Variants in COL9A2 observed in about 807,000 individuals in gnomAD.
COL9A2 encodes the protein collagen type IX alpha 2 chain, also known as collagen alpha-2(IX) chain.
A neutral mutation model predicts 111.6 loss-of-function variants in COL9A2; 66 were observed. The ratio of observed to expected loss-of-function variants is 0.59; its 90% CI spans 0.48 to 0.73. The LOEUF (loss-of-function observed/expected upper bound fraction) is 0.73. Ranked by LOEUF, COL9A2 falls within the 30% of genes least tolerant of loss-of-function variation. COL9A2 has a pLI of 0.00. For synonymous variants in COL9A2, 353 were observed against 364.1 expected (o/e 0.97, Z 0.35); for missense variants, 881 against 954.1 (o/e 0.92, Z 1.01).
chr1:40,312,695 A>G lies in COL9A2; in HGVS notation c.303+36T>C, dbSNP rs759938026. 1.3e-6 allele frequency: 2 copies of G among 1,576,778 alleles called. No homozygotes were observed. Among genetic ancestry groups the G allele is most frequent in the East Asian group, 2.3e-5 (1 of 43,030 alleles). ...ACAGCCACTCCCAAACGCTGGCCCT[A>G]GATTGCCCACGCTGAGGCCCCAGCA... On this transcript the variant is annotated intron_variant, in intron 5 of 31. Transcript: ENST00000372748. This position sits in a 1 kb window ranked among gnomAD's most constrained non-coding sequence, Gnocchi z 6.0.
Position 40,302,564 on chromosome 1 carries a change from C to A in COL9A2, c.1792+57G>T. ...CCTGAGAAGGGAATGGGGAAAGGGC[C>A]GGCCTGGACAAATCCTCACTGCCTG... On this transcript the variant is annotated intron_variant, in intron 30 of 31. Coordinates refer to ENST00000372748, the MANE Select transcript of COL9A2 (RefSeq NM_001852.4). The surrounding 1 kb of genome is among the most constrained non-coding windows in gnomAD (Gnocchi z 4.5). The A allele has an allele frequency of 6.5e-7, 1 of 1,537,492 alleles. No individual in the cohort carries two copies. Among genetic ancestry groups the A allele is most frequent in the Non-Finnish European group, 8.8e-7 (1 of 1,139,984 alleles).
rs778785230 is a variant in COL9A2, at chr1:40,302,616, C to T, written c.1792+5G>A. 2.9e-5 allele frequency: 46 copies of T among 1,597,194 alleles called. No individual in the cohort carries two copies. Among genetic ancestry groups the T allele is most frequent in the Non-Finnish European group, 3.7e-5 (43 of 1,174,148 alleles). On this transcript the variant is annotated splice_donor_5th_base_variant and intron_variant, in intron 30 of 31. Coordinates refer to ENST00000372748, the MANE Select transcript of COL9A2 (RefSeq NM_001852.4). This position sits in a 1 kb window ranked among gnomAD's most constrained non-coding sequence, Gnocchi z 4.5. ...CCCCCATGCCCACCGCAGAGGAGCA[C>T]TCACCCTTGGGCCCCGTGTTGCCGA...
In COL9A2 at chr1:40,310,772, A is replaced by C; in HGVS notation, c.631-5T>G. On this transcript the variant is annotated splice_polypyrimidine_tract_variant and splice_region_variant and intron_variant, in intron 12 of 31. Coordinates refer to ENST00000372748, the MANE Select transcript of COL9A2 (RefSeq NM_001852.4). The surrounding 1 kb of genome is among the most constrained non-coding windows in gnomAD (Gnocchi z 4.9). Reference sequence around the variant, plus strand: ...ACCCACATCTCCCTTGGGACCCTAAAGGGCAGGGATGAGCTGTCAGACAGG... The same window carrying C: ...ACCCACATCTCCCTTGGGACCCTAACGGGCAGGGATGAGCTGTCAGACAGG... 6.4e-7 allele frequency: 1 copy of C among 1,560,528 alleles called. No homozygotes were observed. The highest frequency in any genetic ancestry group is 8.7e-7 in the Non-Finnish European group (1 of 1,151,664).
chr1:40,301,252 G>A lies in COL9A2; in HGVS notation c.2000C>T (p.Ala667Val). 1 of 1,614,168 alleles carries A rather than the reference G, an allele frequency of 6.2e-7. No homozygotes were observed. The highest frequency in any genetic ancestry group is 8.5e-7 in the Non-Finnish European group (1 of 1,180,024). ...PVGLPGFCEPAACLGASAYAS... is the reference protein window; with the variant it reads ...PVGLPGFCEPVACLGASAYAS... ...ATAGGCCGAAGCTCCAAGGCAGGCG[G>A]CAGGTTCACAGAAGCCCGGCAGCCC... Residue 667 changes from alanine (A) to valine (V), a missense_variant, in exon 32 of 32, where the codon GCC (alanine) becomes GTC (valine). Transcript: ENST00000372748.
rs1644144430 is a variant in COL9A2 at position 40,312,403 on chromosome 1, TC to T, written c.363+52del. The T allele has an allele frequency of 2.4e-5, 38 of 1,602,080 alleles. No homozygotes were observed. The highest frequency in any genetic ancestry group is 3.2e-5 in the Non-Finnish European group (38 of 1,173,020). ...CCATTCCCTCGAAGCCTTTCTGTTG[TC>T]CCCTCCTTCCCTGGGAGTTCTGGGG... On this transcript the variant is annotated intron_variant, in intron 7 of 31. Coordinates refer to ENST00000372748, the MANE Select transcript of COL9A2 (RefSeq NM_001852.4). This position sits in a 1 kb window ranked among gnomAD's most constrained non-coding sequence, Gnocchi z 6.0.
In COL9A2 at chr1:40,316,531, G is replaced by A; in HGVS notation, c.75+592C>T. ...GGCGGCCCTTTTAAGAGGCCAGCTC[G>A]GACCCAGGCAGGGGTCCCGGTGCCC... On this transcript the variant is annotated intron_variant, in intron 1 of 31. Transcript: ENST00000372748. This position sits in a 1 kb window ranked among gnomAD's most constrained non-coding sequence, Gnocchi z 5.5. The A allele has an allele frequency of 2.2e-6, 1 of 446,694 alleles. No individual in the cohort carries two copies. Among genetic ancestry groups the A allele is most frequent in the South Asian group, 1.6e-5 (1 of 63,780 alleles). The allele number at this position is 446,694 out of a possible 1,614,324, so 27.7% of individuals were successfully genotyped here. A position where few individuals can be genotyped will look rare whatever the true frequency, so the allele number is the denominator to read the frequency against.
intron 19 of COL9A2, 119 bp from the exon 20 acceptor site, chr1:40,306,306 G>A: frequency 2.8e-6 from 3 of 1,089,772 alleles, no homozygotes; most frequent in Non-Finnish European, 2.8e-6. Context: ...AACAACAGAA[G>A]GTCCAGCCAC....
intron 2 of COL9A2, among the ~76,000 whole-genome samples, chr1:40,315,027 G>A (rs1388904364): frequency 6.6e-6 from 1 of 152,112 alleles, no homozygotes; most frequent in Non-Finnish European, 1.5e-5. Context: ...TCCTGTGTTT[G>A]GGGGGTGGGG....
rs1409665087 is a variant in COL9A2, at chr1:40,310,861, C to G, written c.631-94G>C. ...TACCACCTCTTTTCCCCAGCACAAG[C>G]AGACGGGAGGGACTACTACGAACCC... On this transcript the variant is annotated intron_variant, in intron 12 of 31. Transcript: ENST00000372748. The surrounding 1 kb of genome is among the most constrained non-coding windows in gnomAD (Gnocchi z 4.9). 6.0e-6 allele frequency: 7 copies of G among 1,159,270 alleles called. No homozygotes were observed. In the Admixed American group the frequency reaches 7.9e-5, roughly 13 times the overall value. 71.8% of individuals were successfully genotyped at this position (1,159,270 alleles called of 1,614,324 possible). A position where few individuals can be genotyped will look rare whatever the true frequency, so the allele number is the denominator to read the frequency against.
In COL9A2 at chr1:40,303,215, C is replaced by T. The variant is rs1268307249; in HGVS notation, c.1549-30G>A. 1 of 1,600,836 alleles carries T rather than the reference C, an allele frequency of 6.2e-7. No homozygotes were observed. Among genetic ancestry groups the T allele is most frequent in the Admixed American group, 1.7e-5 (1 of 58,632 alleles). On this transcript the variant is annotated intron_variant, in intron 28 of 31. Transcript: ENST00000372748. This position sits in a 1 kb window ranked among gnomAD's most constrained non-coding sequence, Gnocchi z 4.6. ...AAGCAGAGGCCTTTCAGGAAGAAGC[C>T]CCTGGCTACAAGGGCCCACCGCTCC...
chr1:40,312,512 G>C lies in COL9A2; in HGVS notation c.340-33C>G. On this transcript the variant is annotated intron_variant, in intron 6 of 31. Coordinates refer to ENST00000372748, the MANE Select transcript of COL9A2 (RefSeq NM_001852.4). The surrounding 1 kb of genome is among the most constrained non-coding windows in gnomAD (Gnocchi z 6.0). Reference sequence around the variant, plus strand: ...AGAAAGAAAGAAAATTGGCTTCATGGCTCCCTCTGCAGGTCCCCTCTCCCC... The same window carrying C: ...AGAAAGAAAGAAAATTGGCTTCATGCCTCCCTCTGCAGGTCCCCTCTCCCC... 3 of 1,613,822 alleles carry C rather than the reference G, an allele frequency of 1.9e-6. No individual in the cohort carries two copies. The highest frequency in any genetic ancestry group is 2.5e-6 in the Non-Finnish European group (3 of 1,179,910).
chr1:40,305,042 T>C (rs948135468), intron 21 of COL9A2, 195 bp from the exon 22 acceptor site: 10 of 489,366 alleles, frequency 2.0e-5, no homozygotes, highest in Non-Finnish European at 3.6e-5. Context: ...TTACTTATCA[T>C]GTGATCATTT....
At position 40,312,193 on chromosome 1, in the gene COL9A2, G is replaced by T; in HGVS notation, c.364-81C>A. ...ACAAAGGTAGAGACAGGCACCCAAA[G>T]CCCGTTTCTCCACTTTTACTTTTTT... On this transcript the variant is annotated intron_variant, in intron 7 of 31. Transcript: ENST00000372748. This position sits in a 1 kb window ranked among gnomAD's most constrained non-coding sequence, Gnocchi z 6.0. The T allele has an allele frequency of 8.0e-7, 1 of 1,257,598 alleles. No homozygotes were observed. Among genetic ancestry groups the T allele is most frequent in the Non-Finnish European group, 1.1e-6 (1 of 890,852 alleles). The allele number at this position is 1,257,598 out of a possible 1,614,324, so 77.9% of individuals were successfully genotyped here. A position where few individuals can be genotyped will look rare whatever the true frequency, so the allele number is the denominator to read the frequency against.
At chr1:40,315,745 A>ACCCC in intron 1 of COL9A2, 81 bp from the exon 2 acceptor site, 2 of 1,002,718 alleles carry the variant, frequency 2.0e-6, no homozygotes, top group Non-Finnish European at 2.9e-6. Flanking sequence ...CGACCCTGGG[A>ACCCC]GCGGGGTCCT....
Position 40,301,858 on chromosome 1 carries a change from T to C in COL9A2, c.1824A>G (p.Glu608=), listed in dbSNP as rs138949427. 595 of 1,614,024 alleles carry C rather than the reference T, an allele frequency of 3.7e-4. No homozygotes were observed. The highest frequency in any genetic ancestry group is 4.9e-4 in the Non-Finnish European group (576 of 1,180,012). Residue 608 remains glutamate (E), a synonymous_variant, in exon 31 of 32, where the codon GAA becomes GAG. Coordinates refer to ENST00000372748, the MANE Select transcript of COL9A2 (RefSeq NM_001852.4). ...GKRGEKGDPG[E]VGRGHPGMPG... is the part of the protein sequence containing the mutation. ...GCATCCCGGGGTGCCCCCGTCCCAC[T>C]TCTCCTGGATCACCCTTCTCTCCAC...
chr1:40,303,728 G>A lies in COL9A2; in HGVS notation c.1402-52C>T. 2 of 1,545,842 alleles carry A rather than the reference G, an allele frequency of 1.3e-6. No homozygotes were observed. Among genetic ancestry groups the A allele is most frequent in the Non-Finnish European group, 1.7e-6 (2 of 1,144,628 alleles). On this transcript the variant is annotated intron_variant, in intron 27 of 31. Transcript: ENST00000372748. The surrounding 1 kb of genome is among the most constrained non-coding windows in gnomAD (Gnocchi z 4.6). ...AGCCGGGTGAGAAGGCGCCCGGGTG[G>A]GCGAGAGTGGGGGGTGGGGGTCGAG... is the stretch of plus-strand genomic sequence containing the variant.
intron 2 of COL9A2, 88 bp downstream of exon 2, chr1:40,315,502 C>T: frequency 1.4e-6 from 2 of 1,471,310 alleles, no homozygotes; most frequent in Non-Finnish European, 1.8e-6. Flanking sequence ...TCCGGGCACC[C>T]CGAAGTCCCC....
Position 40,302,556 on chromosome 1 carries a change from G to A in COL9A2, c.1792+65C>T. On this transcript the variant is annotated intron_variant, in intron 30 of 31. Coordinates refer to ENST00000372748, the MANE Select transcript of COL9A2 (RefSeq NM_001852.4). The surrounding 1 kb of genome is among the most constrained non-coding windows in gnomAD (Gnocchi z 4.5). ...TATGTCATCCTGAGAAGGGAATGGG[G>A]AAAGGGCCGGCCTGGACAAATCCTC... 6.6e-7 allele frequency: 1 copy of A among 1,525,684 alleles called. No homozygotes were observed. The highest frequency in any genetic ancestry group is 8.8e-7 in the Non-Finnish European group (1 of 1,131,490). 94.5% of individuals were successfully genotyped at this position (1,525,684 alleles called of 1,614,324 possible). A position where few individuals can be genotyped will look rare whatever the true frequency, so the allele number is the denominator to read the frequency against.
At chr1:40,308,965 G>C (rs1557799403) in intron 16 of COL9A2, among the ~76,000 whole-genome samples, 1 of 152,158 alleles carries the variant, frequency 6.6e-6, no homozygotes, top group Non-Finnish European at 1.5e-5. Context: ...ACTAGATATT[G>C]CTGGGCGTGT....
Sources: gnomAD v4.1 joint callset for allele counts (sites outside exome capture counted in the v4.1 genomes callset) on GRCh38, gnomAD v4.1.1 for gene constraint, Gnocchi (gnomAD v3.1) non-coding constraint, MANE v1.5 for transcripts, NCBI Gene and HGNC (gene_info 2026-07-23, HGNC 2026-07-21) for gene names.